The following SH3BGRL2 variants were observed in gnomAD, a reference collection of about 807,000 sequenced individuals.
SH3BGRL2 encodes the protein SH3 domain-binding glutamic acid-rich-like protein 2.
In SH3BGRL2, 21 loss-of-function variants were observed where a neutral mutation model predicts 14.8. The ratio of observed to expected loss-of-function variants is 1.42; its 90% CI spans 1.01 to 2.05. The LOEUF (loss-of-function observed/expected upper bound fraction) is 2.05. Among genes scored for constraint, SH3BGRL2 ranks in the 30% most tolerant of loss-of-function variants. The probability of loss-of-function intolerance (pLI) is 0.00; values close to 1 mark genes in which losing one functional copy is unlikely to be tolerated. For synonymous variants in SH3BGRL2, 50 were observed against 47.8 expected, an observed-to-expected ratio of 1.05 and a Z score of -0.19; for missense variants, 147 against 130.8, an observed-to-expected ratio of 1.12 and a Z score of -0.61.
chr6:79,629,988 A>T (rs1361811603), upstream of SH3BGRL2, among the ~76,000 whole-genome samples: 8 of 152,214 alleles, frequency 5.3e-5, no homozygotes, highest in Non-Finnish European at 1.2e-4. Flanking sequence ...CTTTTAAGAA[A>T]ATTATTTTCT....
chr6:79,661,316 T>C (rs1047114992), intron 1 of SH3BGRL2, among the ~76,000 whole-genome samples: 1 of 152,206 alleles, frequency 6.6e-6, no homozygotes, highest in South Asian at 2.1e-4. Flanking sequence ...GTCCCATAGA[T>C]TCTGGTATGT....
intron 1 of SH3BGRL2, among the ~76,000 whole-genome samples, chr6:79,664,353 A>G (rs1279644260): frequency 2.0e-5 from 3 of 152,250 alleles, no homozygotes; most frequent in Non-Finnish European, 2.9e-5. Flanking sequence ...CAGGCACTGC[A>G]CTAAGAACTT....
chr6:79,670,989 G>C (rs1177377944), intron 1 of SH3BGRL2, among the ~76,000 whole-genome samples: 1 of 151,110 alleles, frequency 6.6e-6, no homozygotes, highest in Non-Finnish European at 1.5e-5. Flanking sequence ...AACAATAGAG[G>C]TGTTTGCGTA....
chr6:79,577,729 C>T, the SH3BGRL2 span, among the ~76,000 whole-genome samples: 2 of 152,302 alleles, frequency 1.3e-5, no homozygotes, highest in African/African-American at 2.4e-5. Context: ...GTGATTTCTG[C>T]ATTTCCAACT....
chr6:79,553,934 C>G, the SH3BGRL2 span, among the ~76,000 whole-genome samples: 12 of 151,240 alleles, frequency 7.9e-5, no homozygotes, highest in East Asian at 2.3e-3. Context: ...TGCCACTGCA[C>G]TCCAGCCTGG....
chr6:79,590,908 T>C, the SH3BGRL2 span, among the ~76,000 whole-genome samples: 2 of 152,210 alleles, frequency 1.3e-5, no homozygotes, highest in Non-Finnish European at 2.9e-5. Context: ...TGCAGAGATA[T>C]CTACTGCAAA....
At chr6:79,620,483 C>G in the SH3BGRL2 span, among the ~76,000 whole-genome samples, 1 of 151,992 alleles carries the variant, frequency 6.6e-6, no homozygotes, top group Non-Finnish European at 1.5e-5. Flanking sequence ...TAACCATGCT[C>G]TCAATATATC....
chr6:79,573,011 A>G, the SH3BGRL2 span, among the ~76,000 whole-genome samples: 1 of 152,174 alleles, frequency 6.6e-6, no homozygotes, highest in Non-Finnish European at 1.5e-5. Context: ...ATGTGGTCTA[A>G]TTGATTCATA....
chr6:79,653,021 G>GA (rs892559244), intron 1 of SH3BGRL2, among the ~76,000 whole-genome samples: 16 of 151,760 alleles, frequency 1.1e-4, no homozygotes, highest in Non-Finnish European at 1.8e-4. Flanking sequence ...AATCAATTAA[G>GA]AAAAAAACAA....
At chr6:79,584,920 C>A in the SH3BGRL2 span, among the ~76,000 whole-genome samples, 1 of 151,986 alleles carries the variant, frequency 6.6e-6, no homozygotes, top group Non-Finnish European at 1.5e-5. Context: ...TACTTGTGAA[C>A]AAATATACCA....
intron 2 of SH3BGRL2, among the ~76,000 whole-genome samples, chr6:79,675,287 A>G (rs1282075379): frequency 6.6e-6 from 1 of 152,138 alleles, no homozygotes; most frequent in East Asian, 1.9e-4. Flanking sequence ...GATTTTGATG[A>G]TATTGATTCA....
At chr6:79,682,121 A>G (rs1244808005) in intron 2 of SH3BGRL2, among the ~76,000 whole-genome samples, 1 of 152,166 alleles carries the variant, frequency 6.6e-6, no homozygotes, top group East Asian at 1.9e-4. Flanking sequence ...AGTATTTATG[A>G]TGAATTAATT....
upstream of SH3BGRL2, among the ~76,000 whole-genome samples, chr6:79,630,779 G>C (rs567112367): frequency 5.3e-5 from 8 of 152,298 alleles, no homozygotes; most frequent in Admixed American, 3.3e-4. Flanking sequence ...ACAGACAAGA[G>C]AAGACCTCTC....
At chr6:79,649,724 C>G (rs1769242562) in intron 1 of SH3BGRL2, among the ~76,000 whole-genome samples, 1 of 152,074 alleles carries the variant, frequency 6.6e-6, no homozygotes, top group Admixed American at 6.6e-5. Flanking sequence ...CCTTTGATTG[C>G]CCTGGCTCTA....
At chr6:79,667,295 G>T (rs151128720) in intron 1 of SH3BGRL2, among the ~76,000 whole-genome samples, 4 of 152,156 alleles carry the variant, frequency 2.6e-5, no homozygotes, top group African/African-American at 7.2e-5. Flanking sequence ...GACACAGTTC[G>T]AATAGTTGGC....
At chr6:79,686,785 T>C (rs889494971) in intron 2 of SH3BGRL2, among the ~76,000 whole-genome samples, 1 of 152,184 alleles carries the variant, frequency 6.6e-6, no homozygotes, top group African/African-American at 2.4e-5. Context: ...CCCCAGTAAC[T>C]CACAGACCTG....
chr6:79,645,287 G>A (rs1216430220), intron 1 of SH3BGRL2, among the ~76,000 whole-genome samples: 4 of 152,096 alleles, frequency 2.6e-5, no homozygotes, highest in East Asian at 1.9e-4. Context: ...ACCCTCTTTC[G>A]AGTTAATATA....
the SH3BGRL2 span, among the ~76,000 whole-genome samples, chr6:79,568,266 T>C: frequency 6.6e-6 from 1 of 152,114 alleles, no homozygotes; most frequent in Non-Finnish European, 1.5e-5. Flanking sequence ...AGGACACAGG[T>C]ACTAAAATAT....
At chr6:79,661,278 A>ACTGC (rs1715682178) in intron 1 of SH3BGRL2, among the ~76,000 whole-genome samples, 1 of 152,144 alleles carries the variant, frequency 6.6e-6, no homozygotes, top group African/African-American at 2.4e-5. Context: ...AGTACTATAA[A>ACTGC]TTTCCCTCTA....
Sources: gnomAD v4.1 joint callset for allele counts (sites outside exome capture counted in the v4.1 genomes callset) on GRCh38, gnomAD v4.1.1 for gene constraint, MANE v1.5 for transcripts, NCBI Gene and HGNC (gene_info 2026-07-23, HGNC 2026-07-21) for gene names.